Variants in DIP2C observed in about 807,000 individuals in gnomAD.
DIP2C encodes the protein disco-interacting protein 2 homolog C.
In DIP2C, 33 loss-of-function variants were observed where a neutral mutation model predicts 192.4. That is an observed-to-expected ratio of 0.17 (90% CI 0.13 to 0.23). DIP2C has a LOEUF of 0.23. Among genes scored for constraint, DIP2C ranks in the 10% least tolerant of loss-of-function variants. The pLI, the probability that DIP2C is intolerant of heterozygous loss-of-function variation, is 1.00. For missense variants in DIP2C, 1,537 were observed against 2,110.1 expected (o/e 0.73, Z 5.32); for synonymous variants, 979 against 864.1 (o/e 1.13, Z -2.33).
chr10:656,771 A>C (rs534546321), intron 1 of DIP2C, among the ~76,000 whole-genome samples: 1 of 152,276 alleles, frequency 6.6e-6, no homozygotes, highest in South Asian at 2.1e-4. Context: ...CGGTGAATGG[A>C]AGGCAACAAG....
chr10:539,310 TA>T (rs1378556528), intron 1 of DIP2C, among the ~76,000 whole-genome samples: 29 of 151,760 alleles, frequency 1.9e-4, no homozygotes, highest in Middle Eastern at 6.9e-3. Context: ...AGATCAAGAA[TA>T]TTTTTTTAAT....
chr10:447,567 A>AT (rs1968363161), intron 3 of DIP2C, among the ~76,000 whole-genome samples: 5 of 108,130 alleles, frequency 4.6e-5, no homozygotes, highest in South Asian at 2.9e-4. Flanking sequence ...GGACCCACTC[A>AT]CCCGTCGATA....
chr10:568,840 G>A (rs572146121), intron 1 of DIP2C, among the ~76,000 whole-genome samples: 26 of 137,788 alleles, frequency 1.9e-4, no homozygotes, highest in East Asian at 7.2e-4. Flanking sequence ...CTGCCTGATC[G>A]TTTCTGCAAA....
chr10:620,534 A>G (rs1275522122), intron 1 of DIP2C, among the ~76,000 whole-genome samples: 1 of 152,254 alleles, frequency 6.6e-6, no homozygotes, highest in Non-Finnish European at 1.5e-5. Context: ...CATTTGGGTA[A>G]ATTTAAGCAC....
intron 17 of DIP2C, 102 bp from the exon 18 acceptor site, chr10:369,735 A>T: frequency 2.5e-6 from 4 of 1,584,102 alleles, no homozygotes; most frequent in Non-Finnish European, 3.4e-6. Context: ...ACCTCTGGGC[A>T]CAGTGCTGGC....
chr10:412,266 C>T (rs1392430618), intron 8 of DIP2C, among the ~76,000 whole-genome samples: 6 of 152,140 alleles, frequency 3.9e-5, no homozygotes, highest in African/African-American at 7.2e-5. Context: ...CTTAAAACAC[C>T]CAAGTGAACG....
chr10:528,676 C>G (rs1847201050), intron 1 of DIP2C, among the ~76,000 whole-genome samples: 1 of 152,190 alleles, frequency 6.6e-6, no homozygotes, highest in Admixed American at 6.5e-5. Flanking sequence ...CTGTAGGGTC[C>G]TCTCCTCCGG....
At chr10:314,682 C>A (rs999433796) in intron 31 of DIP2C, among the ~76,000 whole-genome samples, 6 of 152,190 alleles carry the variant, frequency 3.9e-5, no homozygotes, top group Admixed American at 3.3e-4. Context: ...TGTGAAATAC[C>A]TTAGACTAGG....
chr10:642,631 G>T (rs1855252018), intron 1 of DIP2C, among the ~76,000 whole-genome samples: 1 of 152,274 alleles, frequency 6.6e-6, no homozygotes, highest in South Asian at 2.1e-4. Context: ...CATCAAAGCT[G>T]AAGGGCGTGT....
At chr10:413,884 A>C (rs772330601) in intron 8 of DIP2C, 29 bp downstream of exon 8, 10 of 1,603,150 alleles carry the variant, frequency 6.2e-6, no homozygotes, top group Non-Finnish European at 8.5e-6. Flanking sequence ...GGGGGTGGGC[A>C]AAGGGCAGAG....
intron 1 of DIP2C, among the ~76,000 whole-genome samples, chr10:520,834 T>C (rs1846657506): frequency 6.6e-6 from 1 of 152,270 alleles, no homozygotes; most frequent in South Asian, 2.1e-4. Flanking sequence ...TGGTTTAATA[T>C]GTTGCCTCCA....
chr10:437,941 T>A (rs1967402253), intron 4 of DIP2C: 1 of 152,224 alleles, frequency 6.6e-6, no homozygotes, highest in Non-Finnish European at 1.5e-5. Flanking sequence ...TAAGATTTTG[T>A]TCAAGTAAGC....
At chr10:378,585 G>C (rs967059112) in intron 17 of DIP2C, among the ~76,000 whole-genome samples, 1 of 87,642 alleles carries the variant, frequency 1.1e-5, no homozygotes, top group East Asian at 5.4e-4. Context: ...ACATGTGAAC[G>C]CAGACATAGA....
chr10:483,625 C>T (rs1843778148), intron 2 of DIP2C, among the ~76,000 whole-genome samples: 1 of 152,154 alleles, frequency 6.6e-6, no homozygotes, highest in Non-Finnish European at 1.5e-5. Context: ...TGGCTAAAAC[C>T]CAGCCCTGTC....
chr10:341,349 G>GT lies in DIP2C; in HGVS notation c.3454-21dup. 1 of 1,613,122 alleles carries GT rather than the reference G, an allele frequency of 6.2e-7. No homozygotes were observed. The highest frequency in any genetic ancestry group is 8.5e-7 in the Non-Finnish European group (1 of 1,179,876). ...AGACATCTGCAAAATACAAGGCTGT[G>GT]TTAAACGCATCGGACCTGACACCCT... is the stretch of plus-strand genomic sequence containing the variant. On this transcript the variant is annotated intron_variant, in intron 28 of 36. Coordinates refer to ENST00000280886, the MANE Select transcript of DIP2C (RefSeq NM_014974.3).
intron 24 of DIP2C, among the ~76,000 whole-genome samples, chr10:350,409 C>G (rs1009571817): frequency 6.6e-6 from 1 of 152,156 alleles, no homozygotes; most frequent in African/African-American, 2.4e-5. Flanking sequence ...CCGAAACAAG[C>G]TTTTCCTGAG....
At chr10:335,146 A>C (rs536282551) in intron 29 of DIP2C, among the ~76,000 whole-genome samples, 1 of 152,334 alleles carries the variant, frequency 6.6e-6, no homozygotes, top group South Asian at 2.1e-4. Flanking sequence ...CATTATACTC[A>C]TATGTCTCAG....
At chr10:413,842 T>A in intron 8 of DIP2C, 71 bp downstream of exon 8, 1 of 1,550,906 alleles carries the variant, frequency 6.4e-7, no homozygotes, top group Admixed American at 1.8e-5. Flanking sequence ...AAACGGACAC[T>A]GAGTTTCCTG....
At chr10:442,357 TTC>T (rs1002085606) in intron 3 of DIP2C, among the ~76,000 whole-genome samples, 1 of 151,976 alleles carries the variant, frequency 6.6e-6, no homozygotes, top group African/African-American at 2.4e-5. Flanking sequence ...TTGTGCGTAC[TTC>T]TCTCTCTAAC....
Sources: allele counts gnomAD v4.1 joint callset (sites outside exome capture counted in the v4.1 genomes callset), GRCh38; gene constraint gnomAD v4.1.1; transcripts MANE v1.5; gene names NCBI Gene and HGNC (gene_info 2026-07-23, HGNC 2026-07-21).